MTDH: variants seen among roughly 807,000 people sequenced by gnomAD.
The protein encoded by MTDH is protein LYRIC.
MTDH carries 34 observed loss-of-function variants against 72.7 expected under a neutral mutation model. The ratio of observed to expected loss-of-function variants is 0.47; its 90% CI spans 0.36 to 0.62. The LOEUF (loss-of-function observed/expected upper bound fraction) is 0.62, where lower values mean the gene tolerates loss of function less well. Ranked by LOEUF, MTDH falls within the 20% of genes least tolerant of loss-of-function variation. MTDH has a pLI of 0.00. For missense variants in MTDH, 677 were observed against 699.4 expected (o/e 0.97, Z 0.36); for synonymous variants, 266 against 268.9 (o/e 0.99, Z 0.10).
At chr8:97,700,720 G>A (rs947862572) in intron 7 of MTDH, among the ~76,000 whole-genome samples, 2 of 152,176 alleles carry the variant, frequency 1.3e-5, no homozygotes, top group Non-Finnish European at 2.9e-5. Context: ...ACACTTTCCA[G>A]ATGAAAAAGT....
chr8:97,722,380 T>C (rs764886687), intron 10 of MTDH, among the ~76,000 whole-genome samples: 3 of 152,186 alleles, frequency 2.0e-5, no homozygotes, highest in African/African-American at 7.2e-5. Flanking sequence ...GGCAGGCGGA[T>C]CACGAAGTCA....
chr8:97,660,336 G>A (rs905334326), intron 1 of MTDH, among the ~76,000 whole-genome samples: 6 of 152,096 alleles, frequency 3.9e-5, no homozygotes, highest in Non-Finnish European at 8.8e-5. Flanking sequence ...CTTACTCCCA[G>A]AACAGTAGAG....
At chr8:97,699,892 GT>G in intron 7 of MTDH, 40 bp downstream of exon 7, 1 of 1,369,854 alleles carries the variant, frequency 7.3e-7, no homozygotes, top group South Asian at 1.2e-5. Context: ...TTTTTTCAGA[GT>G]TTTCTTTCTA....
intron 2 of MTDH, among the ~76,000 whole-genome samples, chr8:97,685,921 G>A (rs72671526): frequency 0.044 from 6,677 of 152,140 alleles, 205 homozygotes; most frequent in Non-Finnish European, 0.066. Context: ...TTCGTTTTTA[G>A]CAAGCTTTTG....
At chr8:97,670,445 C>T (rs1812565730) in intron 2 of MTDH, among the ~76,000 whole-genome samples, 1 of 152,110 alleles carries the variant, frequency 6.6e-6, no homozygotes, top group Non-Finnish European at 1.5e-5. Flanking sequence ...GGTGAAGCCC[C>T]GTCTCTACTA....
chr8:97,713,809 G>A (rs780841106), intron 9 of MTDH, 40 bp downstream of exon 9: 30 of 1,188,320 alleles, frequency 2.5e-5, no homozygotes, highest in East Asian at 1.3e-4. Context: ...AAGCGCCTCC[G>A]GCTTAAAATG....
intron 7 of MTDH, among the ~76,000 whole-genome samples, chr8:97,702,805 C>T (rs1026764380): frequency 6.6e-6 from 1 of 151,804 alleles, no homozygotes; most frequent in African/African-American, 2.4e-5. Flanking sequence ...GAATTAAGTT[C>T]TGACAAGAAA....
At chr8:97,699,302 A>G (rs1814003376) in intron 6 of MTDH, among the ~76,000 whole-genome samples, 1 of 152,072 alleles carries the variant, frequency 6.6e-6, no homozygotes, top group South Asian at 2.1e-4. Context: ...AAAGAAAAAA[A>G]GCCCAGCATG....
intron 10 of MTDH, among the ~76,000 whole-genome samples, chr8:97,720,497 G>A (rs1815071690): frequency 6.7e-6 from 1 of 150,010 alleles, no homozygotes; most frequent in South Asian, 2.1e-4. Context: ...GATCACTTGA[G>A]CCCAGGAGGT....
chr8:97,655,152 T>G (rs1271811787), intron 1 of MTDH, among the ~76,000 whole-genome samples: 1 of 152,204 alleles, frequency 6.6e-6, no homozygotes, highest in Non-Finnish European at 1.5e-5. Context: ...GAAACACATT[T>G]GGGATCTCAA....
rs188242684 is a variant in MTDH at position 97,720,890 on chromosome 8, G to A, written c.1521+1701G>A. Among the ~76,000 whole-genome samples the A allele has an allele frequency of 5.4e-3, 822 of 151,880 alleles. 4 individuals carry two copies. The highest frequency in any genetic ancestry group is 0.018 in the African/African-American group (748 of 41,470). ...GCTAGTCTCGAACTCCTGACCTCAA[G>A]TGATCCGCCTGCCTCAGCCTCCCAA... On this transcript the variant is annotated intron_variant, in intron 10 of 11. Transcript: ENST00000336273.
At position 97,701,328 on chromosome 8, in the gene MTDH, C is replaced by G. The variant is rs199907086; in HGVS notation, c.1147+1476C>G. Among the ~76,000 whole-genome samples, 42 of 152,206 alleles carry G rather than the reference C, an allele frequency of 2.8e-4. 1 individual carries two copies. The East Asian group carries it at 7.3e-3, about 27-fold the overall frequency. On this transcript the variant is annotated intron_variant, in intron 7 of 11. Transcript: ENST00000336273. ...TTTGCATATAACCTACATATGTCTT[C>G]CCATATATTTTAAATTATCTCTTGA...
At chr8:97,658,143 T>G (rs908843558) in intron 1 of MTDH, among the ~76,000 whole-genome samples, 1 of 152,090 alleles carries the variant, frequency 6.6e-6, no homozygotes, top group Non-Finnish European at 1.5e-5. Context: ...GGGAAGTTGC[T>G]GATGACTTCT....
chr8:97,661,006 C>T lies in MTDH; in HGVS notation c.382-66C>T, dbSNP rs1024602917. On this transcript the variant is annotated intron_variant, in intron 1 of 11. Coordinates refer to ENST00000336273, the MANE Select transcript of MTDH (RefSeq NM_178812.4). ...TGATTGTAGTATATATGGTTTCCTG[C>T]GTATAAATCTTTGCACTGATCTGCT... 25 of 1,260,520 alleles carry T rather than the reference C, an allele frequency of 2.0e-5. No individual in the cohort carries two copies. In the South Asian group the frequency reaches 2.3e-4, roughly 12 times the overall value. 78.1% of individuals were successfully genotyped at this position (1,260,520 alleles called of 1,614,324 possible).
intron 2 of MTDH, among the ~76,000 whole-genome samples, chr8:97,677,153 AGCCTGG>A (rs1325727429): frequency 9.8e-6 from 1 of 101,738 alleles, no homozygotes; most frequent in Non-Finnish European, 1.8e-5. Flanking sequence ...ACTGCACTCC[AGCCTGG>A]GCAACAGTAA....
intron 2 of MTDH, among the ~76,000 whole-genome samples, chr8:97,671,090 C>G (rs928840672): frequency 6.6e-6 from 1 of 151,868 alleles, no homozygotes; most frequent in Admixed American, 6.6e-5. Context: ...CTCAGCCTCC[C>G]GAGTAGCTGG....
In MTDH at chr8:97,644,404, G is replaced by A; in HGVS notation, c.-103G>A. On this transcript the variant is annotated 5_prime_UTR_variant, in exon 1 of 12. Transcript: ENST00000336273. ...CGCGAGGGACGGCCGCGATGCGCTC[G>A]GCCTGAGGTTACCCGGCCCGGCCCT... The A allele has an allele frequency of 8.4e-6, 12 of 1,428,282 alleles. No individual in the cohort carries two copies. Among genetic ancestry groups the A allele is most frequent in the South Asian group, 5.4e-5 (4 of 74,420 alleles). 88.5% of individuals were successfully genotyped at this position (1,428,282 alleles called of 1,614,324 possible). A position where few individuals can be genotyped will look rare whatever the true frequency, so the allele number is the denominator to read the frequency against.
chr8:97,672,849 T>G (rs551194351), intron 2 of MTDH, among the ~76,000 whole-genome samples: 1 of 152,160 alleles, frequency 6.6e-6, no homozygotes, highest in African/African-American at 2.4e-5. Flanking sequence ...TTCTTGTAAA[T>G]GTCTTAGGAT....
intron 7 of MTDH, among the ~76,000 whole-genome samples, chr8:97,702,379 A>C (rs778309730): frequency 1.3e-5 from 2 of 152,232 alleles, no homozygotes; most frequent in African/African-American, 4.8e-5. Context: ...TGCAGGTTAC[A>C]TGATTATTCT....
Sources: allele counts gnomAD v4.1 joint callset (sites outside exome capture counted in the v4.1 genomes callset), GRCh38; gene constraint gnomAD v4.1.1; transcripts MANE v1.5; gene names NCBI Gene and HGNC (gene_info 2026-07-23, HGNC 2026-07-21).